EPG5: variants seen among roughly 807,000 people sequenced by gnomAD.
EPG5 encodes the protein ectopic P-granules 5 autophagy tethering factor.
In EPG5, 159 loss-of-function variants were observed where a neutral mutation model predicts 302.7. The observed-to-expected ratio is 0.53, with a 90% CI of 0.46 to 0.60. The LOEUF (loss-of-function observed/expected upper bound fraction) is 0.60, where lower values mean the gene tolerates loss of function less well. Ranked by LOEUF, EPG5 falls within the 20% of genes least tolerant of loss-of-function variation. The pLI is 0.00. For synonymous variants in EPG5, 1,158 were observed against 1,136.8 expected (o/e 1.02, Z -0.37); for missense variants, 2,896 against 3,092.4 (o/e 0.94, Z 1.51).
intron 36 of EPG5, 175 bp from the exon 37 acceptor site, chr18:45,867,923 C>T: frequency 1.5e-6 from 1 of 688,664 alleles, no homozygotes; most frequent in South Asian, 1.5e-5. Flanking sequence ...TCTTTCCTTC[C>T]ACAGTGTATG....
chr18:45,864,126 T>C (rs546436558), intron 39 of EPG5, among the ~76,000 whole-genome samples: 90 of 152,278 alleles, frequency 5.9e-4, no homozygotes, highest in African/African-American at 2.0e-3. Context: ...ATTTTAGAGA[T>C]GGGGTCTCAC....
Position 45,955,756 on chromosome 18 carries a change from C to T in EPG5, c.64-418G>A, listed in dbSNP as rs138725773. On this transcript the variant is annotated intron_variant, in intron 1 of 43. Coordinates refer to ENST00000282041, the MANE Select transcript of EPG5 (RefSeq NM_020964.3). Reference sequence around the variant, plus strand: ...CACTCAAAACTCAGGGAGAAAAGGACGGAACAACTTGAGCAACATAACAAT... The same window carrying T: ...CACTCAAAACTCAGGGAGAAAAGGATGGAACAACTTGAGCAACATAACAAT... 1.3e-3 allele frequency among the ~76,000 whole-genome samples: 198 copies of T among 152,104 alleles called. 1 individual carries two copies. Among genetic ancestry groups the T allele is most frequent in the Middle Eastern group, 3.4e-3 (1 of 294 alleles).
At chr18:45,809,016 C>T in the EPG5 span, among the ~76,000 whole-genome samples, 1 of 152,034 alleles carries the variant, frequency 6.6e-6, no homozygotes, top group Non-Finnish European at 1.5e-5. Flanking sequence ...TAAGGACTCA[C>T]ATAAACTTAA....
intron 17 of EPG5, among the ~76,000 whole-genome samples, chr18:45,917,021 C>T (rs147350130): frequency 1.2e-4 from 18 of 152,272 alleles, no homozygotes; most frequent in African/African-American, 2.4e-4. Context: ...GTAACATCTC[C>T]GGGGGAGAAA....
the EPG5 span, chr18:45,838,407 C>T: frequency 2.1e-6 from 1 of 473,926 alleles, no homozygotes; most frequent in East Asian, 4.0e-5. Flanking sequence ...TGCTCTGCGA[C>T]AATAATGGCC....
Position 45,860,887 on chromosome 18 carries a change from TA to T in EPG5, c.6767-542del, listed in dbSNP as rs554261105. Among the ~76,000 whole-genome samples the T allele has an allele frequency of 2.6e-5, 4 of 152,104 alleles. No homozygotes were observed. The South Asian group carries it at 8.3e-4, about 32-fold the overall frequency. On this transcript the variant is annotated intron_variant, in intron 39 of 43. Coordinates refer to ENST00000282041, the MANE Select transcript of EPG5 (RefSeq NM_020964.3). ...CTCTTTTATTTCTTTGTTTTTTAAA[TA>T]AGGAAAGTAAACCAACTGGTAATTT...
Position 45,886,729 on chromosome 18 carries a change from G to A in EPG5, c.5109+1022C>T, listed in dbSNP as rs139934653. 1.6e-3 allele frequency among the ~76,000 whole-genome samples: 237 copies of A among 152,078 alleles called. 1 individual carries two copies. Among genetic ancestry groups the A allele is most frequent in the Non-Finnish European group, 2.8e-3 (188 of 67,988 alleles). On this transcript the variant is annotated intron_variant, in intron 29 of 43. Transcript: ENST00000282041. ...GCTGGAGTGCAATAGCATGATTTCC[G>A]CTCACCGCAACCTCTGCCTCCCAGT...
At chr18:45,867,788 CTATCTATG>C in intron 36 of EPG5, 40 bp from the exon 37 acceptor site, 1 of 1,519,384 alleles carries the variant, frequency 6.6e-7, no homozygotes, top group Non-Finnish European at 9.0e-7. Context: ...TTGCCTTGTG[CTATCTATG>C]TATCTGGAAA....
chr18:45,905,213 A>C (rs1042915197), intron 24 of EPG5, among the ~76,000 whole-genome samples: 4 of 152,188 alleles, frequency 2.6e-5, no homozygotes, highest in African/African-American at 4.8e-5. Context: ...ACAACAACAA[A>C]AAGTCAAATT....
At chr18:45,832,502 G>T in the EPG5 span, among the ~76,000 whole-genome samples, 1 of 152,026 alleles carries the variant, frequency 6.6e-6, no homozygotes, top group African/African-American at 2.4e-5. Flanking sequence ...CAGATTGGGT[G>T]CTTGATAAAA....
chr18:45,958,144 A>G (rs1209371363), intron 1 of EPG5, among the ~76,000 whole-genome samples: 3 of 152,174 alleles, frequency 2.0e-5, no homozygotes, highest in Non-Finnish European at 2.9e-5. Flanking sequence ...TAATACTTGT[A>G]CTCTGAAACT....
At position 45,887,520 on chromosome 18, in the gene EPG5, A is replaced by G. The variant is rs1007836445; in HGVS notation, c.5109+231T>C. Among the ~76,000 whole-genome samples, 10 of 152,194 alleles carry G rather than the reference A, an allele frequency of 6.6e-5. No individual in the cohort carries two copies. The East Asian group carries it at 1.9e-3, about 29-fold the overall frequency. ...CACCAAGGATATATGACAAGTTCTG[A>G]TGTCTCCCTAGACTTTCAAATATGA... On this transcript the variant is annotated intron_variant, in intron 29 of 43. Coordinates refer to ENST00000282041, the MANE Select transcript of EPG5 (RefSeq NM_020964.3).
chr18:45,938,344 C>T (rs2050583647), intron 10 of EPG5, among the ~76,000 whole-genome samples: 1 of 152,074 alleles, frequency 6.6e-6, no homozygotes, highest in East Asian at 1.9e-4. Flanking sequence ...CGCCTGTAAT[C>T]CCAGCTACTT....
chr18:45,947,950 T>C (rs1288432040), intron 6 of EPG5, among the ~76,000 whole-genome samples: 2 of 152,084 alleles, frequency 1.3e-5, no homozygotes, highest in Non-Finnish European at 2.9e-5. Context: ...AATTTTTGTA[T>C]TTTTAGTAGA....
At chr18:45,870,433 C>T in intron 36 of EPG5, 134 bp downstream of exon 36, 2 of 630,028 alleles carry the variant, frequency 3.2e-6, no homozygotes, top group Non-Finnish European at 2.5e-6. Flanking sequence ...CCACAGGCAC[C>T]ACCGAGGCAA....
intron 36 of EPG5, among the ~76,000 whole-genome samples, chr18:45,868,287 T>C (rs1039912074): frequency 2.0e-5 from 3 of 152,136 alleles, no homozygotes; most frequent in African/African-American, 2.4e-5. Flanking sequence ...CCACACTACT[T>C]TGAGATCCAC....
In EPG5 at chr18:45,925,754, C is replaced by T; in HGVS notation, c.2702G>A (p.Trp901Ter). 1 of 1,553,280 alleles carries T rather than the reference C, an allele frequency of 6.4e-7. No homozygotes were observed. The highest frequency in any genetic ancestry group is 8.7e-7 in the Non-Finnish European group (1 of 1,155,782). ...LACVILEGLN[W>*]GFAKQATLHL... ...AACACATACCTGTTTAGCAAATCCC[C>T]AATTCAGTCCTTCAAGAATAACACA... Residue 901 changes from tryptophan (W) to a stop codon, truncating the protein, a stop_gained, in exon 14 of 44, where the codon TGG becomes TAG. Coordinates refer to ENST00000282041, the MANE Select transcript of EPG5 (RefSeq NM_020964.3). LOFTEE classifies it high-confidence loss of function.
chr18:45,879,362 GTT>G (rs1441070202), intron 32 of EPG5, 148 bp from the exon 33 acceptor site: 1 of 622,258 alleles, frequency 1.6e-6, no homozygotes, highest in Admixed American at 3.2e-5. Context: ...TAAATCAATG[GTT>G]TTTTGTTTTT....
At chr18:45,859,954 A>G (rs2048597202) in intron 40 of EPG5, 150 bp downstream of exon 40, 1 of 1,013,396 alleles carries the variant, frequency 9.9e-7, no homozygotes, top group South Asian at 1.6e-5. Flanking sequence ...AAATACGTAT[A>G]TTCAGAAACA....
Sources: gnomAD v4.1 joint callset for allele counts (sites outside exome capture counted in the v4.1 genomes callset) on GRCh38, gnomAD v4.1.1 for gene constraint, MANE v1.5 for transcripts, NCBI Gene and HGNC (gene_info 2026-07-23, HGNC 2026-07-21) for gene names.